Variants in EXOSC10 observed in about 807,000 individuals in gnomAD.
The protein encoded by EXOSC10 is exosome component 10.
EXOSC10 carries 94 observed loss-of-function variants against 126.6 expected under a neutral mutation model. The observed-to-expected ratio is 0.74, with a 90% CI of 0.63 to 0.88. The LOEUF (loss-of-function observed/expected upper bound fraction) is 0.88. EXOSC10 is among the 40% of genes least tolerant of loss of function. The probability of loss-of-function intolerance (pLI) is 0.00; values close to 1 mark genes in which losing one functional copy is unlikely to be tolerated. For missense variants in EXOSC10, 1,041 were observed against 1,100.5 expected (o/e 0.95, Z 0.77); for synonymous variants, 395 against 400.8 (o/e 0.99, Z 0.17).
chr1:11,097,760 C>T (rs1196208443), intron 2 of EXOSC10, among the ~76,000 whole-genome samples: 2 of 151,822 alleles, frequency 1.3e-5, no homozygotes, highest in Non-Finnish European at 2.9e-5. Flanking sequence ...TAAGTGTTCA[C>T]GTCCCATTTA....
chr1:11,078,291 T>C, intron 14 of EXOSC10, among the ~76,000 whole-genome samples: 1 of 149,668 alleles, frequency 6.7e-6, no homozygotes, highest in African/African-American at 2.5e-5. Flanking sequence ...GGAGTCTCGC[T>C]CTGTCGCCCA....
intron 10 of EXOSC10, 33 bp downstream of exon 10, chr1:11,082,655 C>A (rs1640233550): frequency 1.2e-6 from 2 of 1,610,910 alleles, no homozygotes; most frequent in Admixed American, 3.3e-5. Context: ...CTTTCTTCTG[C>A]CACCCACATT....
At chr1:11,097,747 C>T (rs1331177680) in intron 2 of EXOSC10, among the ~76,000 whole-genome samples, 1 of 151,860 alleles carries the variant, frequency 6.6e-6, no homozygotes, top group Admixed American at 6.6e-5. Flanking sequence ...AGAATCTTGG[C>T]TCTAAGTGTT....
chr1:11,080,563 A>AACACACACACACACACACACAC lies in EXOSC10; in HGVS notation c.1587-36_1587-15dup, dbSNP rs70977543. On this transcript the variant is annotated splice_polypyrimidine_tract_variant and intron_variant, in intron 12 of 24. Coordinates refer to ENST00000376936, the MANE Select transcript of EXOSC10 (RefSeq NM_001001998.3). The stretch of plus-strand genomic sequence containing the variant: ...GGCAGTACATATCTGGAAAAAAAAA[A>AACACACACACACACACACACAC]ACACACACACACACACACACACACA... The AACACACACACACACACACACAC allele has an allele frequency of 7.4e-7, 1 of 1,350,782 alleles. No individual in the cohort carries two copies. Among genetic ancestry groups the AACACACACACACACACACACAC allele is most frequent in the African/African-American group, 1.8e-5 (1 of 56,962 alleles). The allele number at this position is 1,350,782 out of a possible 1,614,324, so 83.7% of individuals were successfully genotyped here.
intron 9 of EXOSC10, 42 bp downstream of exon 9, chr1:11,087,406 T>C: frequency 6.2e-7 from 1 of 1,611,272 alleles, no homozygotes; most frequent in Non-Finnish European, 8.5e-7. Context: ...ACTAAAAATC[T>C]TGTATGAGCT....
In EXOSC10 at chr1:11,087,858, T is replaced by A; in HGVS notation, c.887A>T (p.Glu296Val). Residue 296 changes from glutamate to valine, a missense_variant, in exon 8 of 25, where the codon GAA becomes GTA. By Grantham distance (121) the Glu-to-Val change is moderately radical. Around this residue, in one of 3 missense-constraint regions of EXOSC10, gnomAD observed 645 missense variants for 656.3 expected, o/e 0.98. Transcript: ENST00000376936. ...GAGCTTTTCGTTGAGTTCCACGAGT[T>A]CATCCAGGGAGGATATGAAATGGCA... ...TPCHFISSLD[E>V]LVELNEKLLN... The A allele has an allele frequency of 6.2e-7, 1 of 1,614,002 alleles. No individual in the cohort carries two copies. The highest frequency in any genetic ancestry group is 8.5e-7 in the Non-Finnish European group (1 of 1,179,946).
chr1:11,093,644 C>A (rs901263191), intron 3 of EXOSC10, among the ~76,000 whole-genome samples: 1 of 152,160 alleles, frequency 6.6e-6, no homozygotes, highest in Non-Finnish European at 1.5e-5. Context: ...GTAAGCAAGA[C>A]AGAATAATAC....
chr1:11,072,094 C>T lies in EXOSC10; in HGVS notation c.2235G>A (p.Glu745=), dbSNP rs1272698499. Residue 745 remains glutamate (E), a synonymous_variant, in exon 20 of 25, where the codon GAG becomes GAA. Coordinates refer to ENST00000376936, the MANE Select transcript of EXOSC10 (RefSeq NM_001001998.3). ...CAAGGAAGTGAGTGTTACCTGTTTG[C>T]TCAGCTGCCTTCTTCTTGACAGCTT... is the stretch of plus-strand genomic sequence containing the variant. The part of the protein sequence containing the change: ...SKEAVKKKAA[E]QTAAREQAKE... The T allele has an allele frequency of 7.4e-6, 12 of 1,613,084 alleles. No individual in the cohort carries two copies. Among genetic ancestry groups the T allele is most frequent in the Non-Finnish European group, 1.0e-5 (12 of 1,179,508 alleles).
At chr1:11,095,632 T>G in intron 3 of EXOSC10, 126 bp downstream of exon 3, 1 of 829,912 alleles carries the variant, frequency 1.2e-6, no homozygotes, top group Non-Finnish European at 1.9e-6. Context: ...GAGAGTGTTG[T>G]GAACCCGGGA....
chr1:11,076,921 C>T lies in EXOSC10; in HGVS notation c.1907G>A (p.Ser636Asn), dbSNP rs752190706. The T allele has an allele frequency of 1.9e-6, 3 of 1,613,900 alleles. No homozygotes were observed. Among genetic ancestry groups the T allele is most frequent in the East Asian group, 4.5e-5 (2 of 44,886 alleles). The change falls in exon 17 of 25, where the codon AGC becomes AAC. Residue 636 changes from serine (S) to asparagine (N), a missense_variant. Ser to Asn is a conservative substitution (Grantham distance 46). Around this residue, in one of 3 missense-constraint regions of EXOSC10, gnomAD observed 388 missense variants for 415.2 expected, o/e 0.93. Coordinates refer to ENST00000376936, the MANE Select transcript of EXOSC10 (RefSeq NM_001001998.3). ...ATCTTCTTTTTCATCAGGGAAGAGG[C>T]TCGCCTGCTTCTGAACTGGCACAGA... ...SGSVPVQKQA[S>N]LFPDEKEDNL... is the part of the protein sequence containing the mutation.
intron 9 of EXOSC10, among the ~76,000 whole-genome samples, chr1:11,084,869 T>C (rs577432439): frequency 1.3e-5 from 2 of 152,336 alleles, no homozygotes; most frequent in African/African-American, 2.4e-5. Flanking sequence ...CCCAGCACCA[T>C]TTATTAAATA....
chr1:11,074,149 G>A, intron 18 of EXOSC10, 82 bp downstream of exon 18: 1 of 1,419,810 alleles, frequency 7.0e-7, no homozygotes, highest in South Asian at 1.2e-5. Context: ...ACTGGCTTCA[G>A]AGGCTTCCTT....
chr1:11,090,555 T>C lies in EXOSC10; in HGVS notation c.757A>G (p.Met253Val), dbSNP rs750261100. 16 of 1,613,224 alleles carry C rather than the reference T, an allele frequency of 9.9e-6. No homozygotes were observed. The highest frequency in any genetic ancestry group is 1.4e-5 in the Non-Finnish European group (16 of 1,179,366). The change falls in exon 6 of 25, where the codon ATG becomes GTG. Residue 253 changes from methionine (M) to valine (V), a missense_variant and splice_region_variant. Met to Val is a conservative substitution (Grantham distance 21). Coordinates refer to ENST00000376936, the MANE Select transcript of EXOSC10 (RefSeq NM_001001998.3). ...QQRTQQVEQD[M>V]FAHPYQYELN... ...AGTCAGACACAGGCCAACACTTACA[T>C]GTCTTGCTCAACCTGCTGGGTTCTC...
intron 3 of EXOSC10, among the ~76,000 whole-genome samples, chr1:11,092,013 A>C (rs1008082777): frequency 6.6e-6 from 1 of 152,168 alleles, no homozygotes; most frequent in Non-Finnish European, 1.5e-5. Flanking sequence ...TTTTAAAGAG[A>C]TTGGTATTCA....
chr1:11,093,458 A>G (rs1640906274), intron 3 of EXOSC10, among the ~76,000 whole-genome samples: 1 of 152,196 alleles, frequency 6.6e-6, no homozygotes, highest in African/African-American at 2.4e-5. Flanking sequence ...TATACCAGAA[A>G]CTGCTGAAAG....
chr1:11,076,193 A>G (rs1022594051), intron 17 of EXOSC10, among the ~76,000 whole-genome samples: 1 of 151,806 alleles, frequency 6.6e-6, no homozygotes, highest in African/African-American at 2.4e-5. Flanking sequence ...AAACAAAAAA[A>G]GTGAAATAGC....
At chr1:11,069,227 C>CTGTGTGCGTGTGTGTGTGTG (rs1639298696) in intron 22 of EXOSC10, among the ~76,000 whole-genome samples, 1 of 135,344 alleles carries the variant, frequency 7.4e-6, no homozygotes, top group African/African-American at 2.6e-5. Flanking sequence ...AAACAAAATT[C>CTGTGTGCGTGTGTGTGTGTG]TGTGTGTGTG....
chr1:11,070,878 AAGG>A lies in EXOSC10; in HGVS notation c.2316+19_2316+21del, dbSNP rs1639443860. On this transcript the variant is annotated intron_variant, in intron 21 of 24. Coordinates refer to ENST00000376936, the MANE Select transcript of EXOSC10 (RefSeq NM_001001998.3). ...CAGGGGCATCGTTTTTCAAAGGAAA[AAGG>A]AGAAAAGCTGGCACATACCACGACC... 6.2e-7 allele frequency: 1 copy of A among 1,608,854 alleles called. No homozygotes were observed. The highest frequency in any genetic ancestry group is 1.3e-5 in the African/African-American group (1 of 74,722).
chr1:11,069,933 G>T (rs147147337), intron 21 of EXOSC10, among the ~76,000 whole-genome samples: 1 of 152,240 alleles, frequency 6.6e-6, no homozygotes, highest in Non-Finnish European at 1.5e-5. Flanking sequence ...ATGACATGAG[G>T]TCATTTAAGA....
Sources: gnomAD v4.1 joint callset for allele counts (sites outside exome capture counted in the v4.1 genomes callset) on GRCh38, gnomAD v4.1.1 for gene constraint, gnomAD v4.1.1 regional missense constraint, MANE v1.5 for transcripts, NCBI Gene and HGNC (gene_info 2026-07-23, HGNC 2026-07-21) for gene names.